The following ZFAT variants were observed in gnomAD, a reference collection of about 807,000 sequenced individuals.
ZFAT encodes the protein zinc finger and AT-hook domain containing, also known as zinc finger protein ZFAT.
Under a neutral mutation model 117.7 loss-of-function variants are expected in ZFAT, and 64 were observed. The observed-to-expected ratio is 0.54, with a 90% confidence interval of 0.44 to 0.67. The LOEUF is 0.67. ZFAT is among the 30% of genes least tolerant of loss of function. ZFAT has a pLI of 0.00. For missense variants in ZFAT, 1,433 were observed against 1,584.5 expected (o/e 0.90, Z 1.62); for synonymous variants, 679 against 615.0 (o/e 1.10, Z -1.54).
chr8:134,751,803 A>T, the ZFAT span, among the ~76,000 whole-genome samples: 1 of 152,142 alleles, frequency 6.6e-6, no homozygotes. Context: ...GAGAGAGAGA[A>T]GTAGCATGAG....
At chr8:134,635,047 C>G (rs1830121106) in intron 3 of ZFAT, among the ~76,000 whole-genome samples, 1 of 152,194 alleles carries the variant, frequency 6.6e-6, no homozygotes, top group African/African-American at 2.4e-5. Flanking sequence ...CGCAGCTGAT[C>G]TGTCAGGAGG....
At chr8:134,714,078 T>C (rs761165323), upstream of ZFAT, among the ~76,000 whole-genome samples, 3 of 149,464 alleles carry the variant, frequency 2.0e-5, no homozygotes, top group African/African-American at 7.4e-5. Context: ...ATCAGTCAAC[T>C]TAAAATGGTG....
At chr8:134,560,164 T>C (rs942460632) in intron 11 of ZFAT, among the ~76,000 whole-genome samples, 3 of 152,086 alleles carry the variant, frequency 2.0e-5, no homozygotes, top group Non-Finnish European at 4.4e-5. Context: ...CACAAACCAT[T>C]TTGGTATGGG....
intron 1 of ZFAT, among the ~76,000 whole-genome samples, chr8:134,684,434 G>A (rs183031515): frequency 1.7e-3 from 263 of 152,322 alleles, no homozygotes; most frequent in African/African-American, 6.1e-3. Flanking sequence ...CTGATCCCCA[G>A]ACAGCTTGGG....
At chr8:134,742,601 C>T in the ZFAT span, among the ~76,000 whole-genome samples, 3,854 of 152,306 alleles carry the variant, frequency 0.025, 164 homozygotes, top group African/African-American at 0.088. Flanking sequence ...TCTCTCCAGA[C>T]TCGCATCCGC....
At chr8:134,586,672 T>C (rs909997685) in intron 9 of ZFAT, among the ~76,000 whole-genome samples, 8 of 152,252 alleles carry the variant, frequency 5.3e-5, no homozygotes, top group Middle Eastern at 3.2e-3. Flanking sequence ...CGGCTACGAA[T>C]GCCTTCAACT....
chr8:134,707,094 G>A (rs1321846417), intron 1 of ZFAT, among the ~76,000 whole-genome samples: 1 of 151,912 alleles, frequency 6.6e-6, no homozygotes, highest in Non-Finnish European at 1.5e-5. Flanking sequence ...TGGTCACAAA[G>A]GGTGGGTCAC....
the ZFAT span, among the ~76,000 whole-genome samples, chr8:134,829,857 A>C: frequency 6.6e-6 from 1 of 152,254 alleles, no homozygotes; most frequent in African/African-American, 2.4e-5. Context: ...TATACAAGAA[A>C]TACTAGAAAA....
intron 1 of ZFAT, among the ~76,000 whole-genome samples, chr8:134,708,696 T>C (rs1813875696): frequency 6.6e-6 from 1 of 152,204 alleles, no homozygotes; most frequent in Non-Finnish European, 1.5e-5. Context: ...CTCACGTCTG[T>C]AATACTGGCA....
At chr8:134,491,803 A>C (rs1818075239) in intron 15 of ZFAT, among the ~76,000 whole-genome samples, 1 of 152,238 alleles carries the variant, frequency 6.6e-6, no homozygotes, top group South Asian at 2.1e-4. Flanking sequence ...GCTAATTAGC[A>C]ACCTTAATTC....
chr8:134,599,423 A>G (rs1294961870), intron 7 of ZFAT: 1 of 237,706 alleles, frequency 4.2e-6, no homozygotes, highest in Non-Finnish European at 8.4e-6. Flanking sequence ...GGATGTATAT[A>G]AAATAGATTT....
chr8:134,811,920 G>C, the ZFAT span, among the ~76,000 whole-genome samples: 8 of 152,214 alleles, frequency 5.3e-5, no homozygotes, highest in East Asian at 1.4e-3. Flanking sequence ...GAGGCGGGTG[G>C]ATCACCTGAG....
intron 1 of ZFAT, among the ~76,000 whole-genome samples, chr8:134,663,128 T>C (rs191390953): frequency 4.6e-5 from 7 of 152,372 alleles, no homozygotes; most frequent in Non-Finnish European, 7.3e-5. Flanking sequence ...CCTGCCTTCG[T>C]GATCGTCCAA....
chr8:134,781,703 T>A, the ZFAT span, among the ~76,000 whole-genome samples: 1 of 152,154 alleles, frequency 6.6e-6, no homozygotes, highest in Non-Finnish European at 1.5e-5. Flanking sequence ...CTGCCTCCTT[T>A]TCTACCTCTT....
At chr8:134,573,976 T>C (rs1762448933) in intron 10 of ZFAT, among the ~76,000 whole-genome samples, 1 of 152,238 alleles carries the variant, frequency 6.6e-6, no homozygotes, top group South Asian at 2.1e-4. Flanking sequence ...ATTACCCACG[T>C]TGTCCTGTTA....
At position 134,478,400 on chromosome 8, in the gene ZFAT, G is replaced by A; in HGVS notation, c.*82C>T. Reference sequence around the variant, plus strand: ...AAGGAGAGCACCATTCTGCGGGTAGGGCAGGAAGGGTGGCCTCCCCACCCT... The same window carrying A: ...AAGGAGAGCACCATTCTGCGGGTAGAGCAGGAAGGGTGGCCTCCCCACCCT... On this transcript the variant is annotated 3_prime_UTR_variant, in exon 16 of 16. Coordinates refer to ENST00000377838, the MANE Select transcript of ZFAT (RefSeq NM_020863.4). The surrounding 1 kb of genome is among the most constrained non-coding windows in gnomAD (Gnocchi z 5.2). The A allele has an allele frequency of 3.3e-6, 5 of 1,499,546 alleles. No homozygotes were observed. In the South Asian group the frequency reaches 5.2e-5, roughly 16 times the overall value. The allele number at this position is 1,499,546 out of a possible 1,614,324, so 92.9% of individuals were successfully genotyped here. A position where few individuals can be genotyped will look rare whatever the true frequency, so the allele number is the denominator to read the frequency against.
the ZFAT span, chr8:134,784,585 A>T: frequency 1.3e-5 from 2 of 152,196 alleles, no homozygotes; most frequent in Admixed American, 1.3e-4. Flanking sequence ...ATATTCGAGT[A>T]TCATATGTAT....
chr8:134,621,947 T>C (rs1340793308), intron 3 of ZFAT, among the ~76,000 whole-genome samples: 1 of 152,248 alleles, frequency 6.6e-6, no homozygotes, highest in Non-Finnish European at 1.5e-5. Flanking sequence ...AGGCTCTGCC[T>C]TTCAGCTGGA....
At chr8:134,591,168 G>A (rs1826477530) in intron 7 of ZFAT, among the ~76,000 whole-genome samples, 1 of 152,188 alleles carries the variant, frequency 6.6e-6, no homozygotes, top group Non-Finnish European at 1.5e-5. Flanking sequence ...TGATTTTATT[G>A]AGACTCACAA....
Sources: allele counts gnomAD v4.1 joint callset (sites outside exome capture counted in the v4.1 genomes callset), GRCh38; gene constraint gnomAD v4.1.1; non-coding constraint Gnocchi (gnomAD v3.1); transcripts MANE v1.5; gene names NCBI Gene and HGNC (gene_info 2026-07-23, HGNC 2026-07-21).